CA10: variants seen among roughly 807,000 people sequenced by gnomAD.
CA10 encodes carbonic anhydrase-related protein 10.
CA10 carries 14 observed loss-of-function variants against 44.2 expected under a neutral mutation model. That is an observed-to-expected ratio of 0.32 (90% confidence interval 0.21 to 0.50). CA10 has a LOEUF of 0.50. Among genes scored for constraint, CA10 ranks in the 20% least tolerant of loss-of-function variants. The pLI, the probability that CA10 is intolerant of heterozygous loss-of-function variation, is 0.99. For missense variants in CA10, 350 were observed against 409.7 expected, an observed-to-expected ratio of 0.85 and a Z score of 1.26; for synonymous variants, 159 against 141.6, an observed-to-expected ratio of 1.12 and a Z score of -0.87.
chr17:52,119,505 A>T (rs1988967322), intron 1 of CA10, among the ~76,000 whole-genome samples: 1 of 152,154 alleles, frequency 6.6e-6, no homozygotes, highest in Non-Finnish European at 1.5e-5. Context: ...CAAGTCCAGG[A>T]ATCACATGTT....
At chr17:52,110,764 C>G (rs1234903293) in intron 1 of CA10, among the ~76,000 whole-genome samples, 1 of 152,140 alleles carries the variant, frequency 6.6e-6, no homozygotes, top group Non-Finnish European at 1.5e-5. Flanking sequence ...CCCTCCATAT[C>G]CATTGGTTAC....
At chr17:51,710,387 T>A (rs1241888235) in intron 4 of CA10, among the ~76,000 whole-genome samples, 1 of 152,088 alleles carries the variant, frequency 6.6e-6, no homozygotes, top group Non-Finnish European at 1.5e-5. Flanking sequence ...CCCTGAGCTG[T>A]TTTGACAGGG....
intron 1 of CA10, chr17:52,135,176 T>A (rs536191183): frequency 5.7e-5 from 20 of 351,426 alleles, no homozygotes; most frequent in African/African-American, 4.1e-4. Context: ...CAGACATGCC[T>A]CAGTATATCC....
intron 2 of CA10, among the ~76,000 whole-genome samples, chr17:51,956,171 AT>A (rs5820890): frequency 0.98 from 148,534 of 152,036 alleles, 72,634 homozygotes; most frequent in South Asian, 1. Context: ...TTTGATTCAG[AT>A]TTTTTTTTAA....
intron 3 of CA10, among the ~76,000 whole-genome samples, chr17:51,800,554 G>A (rs1906888082): frequency 6.6e-6 from 1 of 152,090 alleles, no homozygotes; most frequent in South Asian, 2.1e-4. Flanking sequence ...AAGTTACTCA[G>A]CACAGTACCT....
chr17:51,663,681 AAAGT>A (rs1471545289), intron 4 of CA10, among the ~76,000 whole-genome samples: 2 of 152,134 alleles, frequency 1.3e-5, no homozygotes, highest in Non-Finnish European at 2.9e-5. Flanking sequence ...TGCCTGGCAC[AAAGT>A]AAGCCCTCAT....
intron 2 of CA10, 26 bp from the exon 3 acceptor site, chr17:51,931,158 T>G: frequency 6.2e-7 from 1 of 1,610,972 alleles, no homozygotes; most frequent in South Asian, 1.1e-5. Flanking sequence ...AATTATAGAA[T>G]TAGGCTGAGT....
intron 2 of CA10, among the ~76,000 whole-genome samples, chr17:52,035,745 T>G (rs1371161554): frequency 6.6e-6 from 1 of 152,234 alleles, no homozygotes. Flanking sequence ...ACTCATGCAC[T>G]CCAGTTCCTG....
At position 51,965,874 on chromosome 17, in the gene CA10, G is replaced by T. The variant is rs370451602; in HGVS notation, c.137-34742C>A. On this transcript the variant is annotated intron_variant, in intron 2 of 8. Coordinates refer to ENST00000451037, the MANE Select transcript of CA10 (RefSeq NM_020178.5). Reference sequence around the variant, plus strand: ...CTAAAAGTCCTAGCCAGAACAATCAGGCAAGAGAAAAAAATAAAAAGCATC... The same window carrying T: ...CTAAAAGTCCTAGCCAGAACAATCATGCAAGAGAAAAAAATAAAAAGCATC... 2.1e-4 allele frequency among the ~76,000 whole-genome samples: 32 copies of T among 151,690 alleles called. 1 individual carries two copies. In the East Asian group the frequency reaches 4.3e-3, roughly 20 times the overall value.
At chr17:51,868,609 T>A (rs1979658415) in intron 3 of CA10, among the ~76,000 whole-genome samples, 1 of 152,242 alleles carries the variant, frequency 6.6e-6, no homozygotes, top group South Asian at 2.1e-4. Context: ...GTGGCTTTGA[T>A]TTAGCTACAT....
At chr17:51,676,879 T>G (rs1360426856) in intron 4 of CA10, among the ~76,000 whole-genome samples, 3 of 152,096 alleles carry the variant, frequency 2.0e-5, no homozygotes, top group Non-Finnish European at 2.9e-5. Flanking sequence ...TGTGCTCTTC[T>G]TTACCACCCA....
chr17:51,884,362 A>C (rs1980505792), intron 3 of CA10, among the ~76,000 whole-genome samples: 1 of 151,878 alleles, frequency 6.6e-6, no homozygotes, highest in African/African-American at 2.4e-5. Flanking sequence ...CTCTCACCTC[A>C]TTGCCCTCTA....
chr17:51,832,511 A>G (rs1363085707), intron 3 of CA10, among the ~76,000 whole-genome samples: 1 of 152,224 alleles, frequency 6.6e-6, no homozygotes, highest in Non-Finnish European at 1.5e-5. Flanking sequence ...TCAAAGGCTT[A>G]AAGATGCTCA....
chr17:52,048,683 A>G (rs1185873079), intron 2 of CA10, among the ~76,000 whole-genome samples: 1 of 152,000 alleles, frequency 6.6e-6, no homozygotes, highest in Admixed American at 6.6e-5. Flanking sequence ...GAATATGCTG[A>G]GAGGCATGAC....
At chr17:51,947,553 A>T (rs1983330822) in intron 2 of CA10, among the ~76,000 whole-genome samples, 1 of 152,202 alleles carries the variant, frequency 6.6e-6, no homozygotes. Flanking sequence ...TGACACTATA[A>T]TCTGAATTCT....
At chr17:51,885,738 C>T (rs1980570367) in intron 3 of CA10, among the ~76,000 whole-genome samples, 1 of 152,200 alleles carries the variant, frequency 6.6e-6, no homozygotes, top group Non-Finnish European at 1.5e-5. Flanking sequence ...GGGCCAATGC[C>T]TTCCTTATCT....
intron 2 of CA10, among the ~76,000 whole-genome samples, chr17:51,969,019 A>G (rs1316126234): frequency 6.6e-6 from 1 of 152,038 alleles, no homozygotes; most frequent in Non-Finnish European, 1.5e-5. Context: ...GAATCATCAA[A>G]GCATGGATTT....
chr17:52,047,434 A>C (rs190770395), intron 2 of CA10, among the ~76,000 whole-genome samples: 9 of 152,098 alleles, frequency 5.9e-5, no homozygotes, highest in African/African-American at 2.2e-4. Context: ...GAATTTTACT[A>C]TAAGTAAATA....
At chr17:51,878,828 TC>T in intron 3 of CA10, among the ~76,000 whole-genome samples, 1 of 62,054 alleles carries the variant, frequency 1.6e-5, no homozygotes, top group Non-Finnish European at 3.1e-5. Flanking sequence ...TTTTTCATGT[TC>T]ATATATATAT....
Sources: gnomAD v4.1 joint callset for allele counts (sites outside exome capture counted in the v4.1 genomes callset) on GRCh38, gnomAD v4.1.1 for gene constraint, MANE v1.5 for transcripts, NCBI Gene and HGNC (gene_info 2026-07-23, HGNC 2026-07-21) for gene names.